CCDC174: variants seen among roughly 807,000 people sequenced by gnomAD.
The protein encoded by CCDC174 is coiled-coil domain-containing protein 174.
Under a neutral mutation model 57.1 loss-of-function variants are expected in CCDC174, and 37 were observed. That is an observed-to-expected ratio of 0.65 (90% CI 0.50 to 0.85). The LOEUF is 0.85. Among genes scored for constraint, CCDC174 ranks in the 40% least tolerant of loss-of-function variants. The pLI, the probability that CCDC174 is intolerant of heterozygous loss-of-function variation, is 0.00. For missense variants in CCDC174, 540 were observed against 574.3 expected (o/e 0.94, Z 0.61); for synonymous variants, 182 against 190.2 (o/e 0.96, Z 0.35).
intron 1 of CCDC174, among the ~76,000 whole-genome samples, chr3:14,653,472 A>G (rs1408442978): frequency 6.6e-6 from 1 of 152,238 alleles, no homozygotes; most frequent in African/African-American, 2.4e-5. Flanking sequence ...AGCCATTTTT[A>G]TCTTCCTTAA....
intron 5 of CCDC174, among the ~76,000 whole-genome samples, chr3:14,664,679 G>T (rs1482183807): frequency 6.6e-6 from 1 of 152,198 alleles, no homozygotes; most frequent in African/African-American, 2.4e-5. Flanking sequence ...ACAAGGCAAA[G>T]TTATTAAGAT....
chr3:14,666,767 C>G, intron 6 of CCDC174, 38 bp from the exon 7 acceptor site: 1 of 1,525,964 alleles, frequency 6.6e-7, no homozygotes, highest in Admixed American at 2.2e-5. Flanking sequence ...TATCTCAATC[C>G]TTATCTGAAG....
At position 14,670,925 on chromosome 3, in the gene CCDC174, C is replaced by G; in HGVS notation, c.1135C>G (p.Gln379Glu). ...EFSFGYWSKR[Q>E]SDLRAERDPE... ...TTCCTTTGGATACTGGTCGAAGAGGCAGTCAGATCTCCGGGCTGAGAGAGA... is the reference window on the plus strand; with the variant it reads ...TTCCTTTGGATACTGGTCGAAGAGGGAGTCAGATCTCCGGGCTGAGAGAGA... The change falls in exon 11 of 11, where the codon CAG (glutamine) becomes GAG (glutamate). Residue 379 changes from glutamine (Q) to glutamate (E), a missense_variant. Coordinates refer to ENST00000383794, the MANE Select transcript of CCDC174 (RefSeq NM_016474.5). 1 of 1,611,060 alleles carries G rather than the reference C, an allele frequency of 6.2e-7. No individual in the cohort carries two copies. Among genetic ancestry groups the G allele is most frequent in the Non-Finnish European group, 8.5e-7 (1 of 1,177,522 alleles).
intron 1 of CCDC174, among the ~76,000 whole-genome samples, chr3:14,652,831 G>C (rs2030821798): frequency 6.6e-6 from 1 of 150,770 alleles, no homozygotes; most frequent in Non-Finnish European, 1.5e-5. Flanking sequence ...GAACCGGGGA[G>C]GCGGAGGTTG....
chr3:14,666,734 A>T, intron 6 of CCDC174, 71 bp from the exon 7 acceptor site: 1 of 1,253,322 alleles, frequency 8.0e-7, no homozygotes, highest in Non-Finnish European at 1.1e-6. Context: ...TGCATGATGC[A>T]ACTGACTGTA....
At chr3:14,653,493 G>A (rs1321833371) in intron 1 of CCDC174, among the ~76,000 whole-genome samples, 2 of 152,154 alleles carry the variant, frequency 1.3e-5, no homozygotes, top group Non-Finnish European at 2.9e-5. Flanking sequence ...CAAATAAAGT[G>A]ATTTTTTTAA....
rs556181542 is a variant in CCDC174, at chr3:14,668,079, A to G, written c.850A>G (p.Ile284Val). ...AGATCAGAGAACAAAACGAGAAAAC[A>G]TAAAGGAAAAGCGAAAGGCTATCTT... ...TTDQRTKREN[I>V]KEKRKAILEA... Residue 284 changes from isoleucine (I) to valine (V), a missense_variant, in exon 9 of 11, where the codon ATA (isoleucine) becomes GTA (valine). By Grantham distance (29) the Ile-to-Val change is conservative. Transcript: ENST00000383794. 8 of 1,603,350 alleles carry G rather than the reference A, an allele frequency of 5.0e-6. No individual in the cohort carries two copies. In the Admixed American group the frequency reaches 5.2e-5, roughly 10 times the overall value.
Position 14,671,401 on chromosome 3 carries a change from T to C in CCDC174, c.*207T>C, listed in dbSNP as rs2031508826. 1.8e-6 allele frequency: 1 copy of C among 555,472 alleles called. No individual in the cohort carries two copies. Among genetic ancestry groups the C allele is most frequent in the Non-Finnish European group, 3.2e-6 (1 of 314,632 alleles). 34.4% of individuals were successfully genotyped at this position (555,472 alleles called of 1,614,324 possible). ...TTTTATTCTAAGTGGGATAGGGACATACCTACCTGGATTTACATGTGAGCT... is the reference window on the plus strand; with the variant it reads ...TTTTATTCTAAGTGGGATAGGGACACACCTACCTGGATTTACATGTGAGCT... On this transcript the variant is annotated 3_prime_UTR_variant, in exon 11 of 11. Transcript: ENST00000383794.
chr3:14,661,684 T>C lies in CCDC174; in HGVS notation c.462T>C (p.Pro154=). The change falls in exon 5 of 11, where the codon CCT becomes CCC. Residue 154 remains proline (P), a synonymous_variant. Transcript: ENST00000383794. ...EENLPEGEIP[P]PQDPSEEWVD... ...ACCTTCCTGAGGGAGAGATCCCTCC[T>C]CCCCAAGACCCCAGTGAAGAATGGT... The C allele has an allele frequency of 6.2e-7, 1 of 1,613,520 alleles. No individual in the cohort carries two copies. Among genetic ancestry groups the C allele is most frequent in the Non-Finnish European group, 8.5e-7 (1 of 1,179,770 alleles).
chr3:14,658,781 C>T (rs1575069327), intron 3 of CCDC174, 90 bp from the exon 4 acceptor site: 3 of 1,368,162 alleles, frequency 2.2e-6, no homozygotes, highest in Middle Eastern at 1.9e-4. Context: ...GCCTCATGGG[C>T]AGATGGTACC....
intron 8 of CCDC174, 22 bp downstream of exon 8, chr3:14,667,540 C>G: frequency 6.3e-7 from 1 of 1,576,670 alleles, no homozygotes; most frequent in Middle Eastern, 1.7e-4. Context: ...TCCCAAGTGA[C>G]TGTGAGGAAA....
intron 3 of CCDC174, 135 bp from the exon 4 acceptor site, chr3:14,658,736 G>T (rs1204419673): frequency 3.3e-6 from 3 of 919,796 alleles, no homozygotes; most frequent in African/African-American, 3.4e-5. Context: ...AGGATGGTGT[G>T]GTCTGTGCTG....
At chr3:14,670,856 G>A (rs1340676152) in intron 10 of CCDC174, 40 bp from the exon 11 acceptor site, 15 of 1,442,142 alleles carry the variant, frequency 1.0e-5, no homozygotes, top group African/African-American at 2.8e-5. Context: ...CAACTGATTC[G>A]TTAATCAGTT....
rs1037947988 is a variant in CCDC174 at position 14,666,855 on chromosome 3, A to G, written c.632A>G (p.Lys211Arg). 2 of 1,603,976 alleles carry G rather than the reference A, an allele frequency of 1.2e-6. No homozygotes were observed. Among genetic ancestry groups the G allele is most frequent in the African/African-American group, 1.4e-5 (1 of 73,874 alleles). ...ACCCTATTATCTGAAGATATGAGAAAAGAACTTCAGCGCCAGCAATGGGAG... is the reference window on the plus strand; with the variant it reads ...ACCCTATTATCTGAAGATATGAGAAGAGAACTTCAGCGCCAGCAATGGGAG... Reference protein sequence around the residue: ...EKTLLSEDMRKELQRQQWEEE... With the variant: ...EKTLLSEDMRRELQRQQWEEE... Residue 211 changes from lysine (K) to arginine (R), a missense_variant, in exon 7 of 11, where the codon AAA (lysine) becomes AGA (arginine). Lys to Arg is a conservative substitution (Grantham distance 26, BLOSUM62 2). Coordinates refer to ENST00000383794, the MANE Select transcript of CCDC174 (RefSeq NM_016474.5).
chr3:14,670,415 A>T (rs1023786400), intron 10 of CCDC174, among the ~76,000 whole-genome samples: 1 of 152,244 alleles, frequency 6.6e-6, no homozygotes, highest in Non-Finnish European at 1.5e-5. Flanking sequence ...TCTCTGGAAG[A>T]CTATGGTTTA....
At chr3:14,658,171 C>G (rs1439461978) in intron 3 of CCDC174, among the ~76,000 whole-genome samples, 1 of 152,234 alleles carries the variant, frequency 6.6e-6, no homozygotes, top group African/African-American at 2.4e-5. Flanking sequence ...TTCTCCATCT[C>G]TAGAATGGGA....
chr3:14,658,436 C>G (rs2031028106), intron 3 of CCDC174, among the ~76,000 whole-genome samples: 1 of 152,264 alleles, frequency 6.6e-6, no homozygotes, highest in Non-Finnish European at 1.5e-5. Context: ...CTCTCATGGT[C>G]TGTACCACTG....
At chr3:14,667,872 A>G (rs2031391569) in intron 8 of CCDC174, 177 bp from the exon 9 acceptor site, 8 of 616,360 alleles carry the variant, frequency 1.3e-5, no homozygotes, top group South Asian at 1.1e-4. Flanking sequence ...GTAAGACATC[A>G]GAGGGTTCAT....
chr3:14,660,194 T>G (rs2124836891), intron 4 of CCDC174, among the ~76,000 whole-genome samples: 1 of 152,348 alleles, frequency 6.6e-6, no homozygotes, highest in South Asian at 2.1e-4. Context: ...TTTCAGGTAT[T>G]TCATGGTTTT....
Sources: allele counts gnomAD v4.1 joint callset (sites outside exome capture counted in the v4.1 genomes callset), GRCh38; gene constraint gnomAD v4.1.1; transcripts MANE v1.5; gene names NCBI Gene and HGNC (gene_info 2026-07-23, HGNC 2026-07-21).